The following CTNNA3 variants were observed in gnomAD, a reference collection of about 807,000 sequenced individuals.
The protein encoded by CTNNA3 is catenin alpha-3.
CTNNA3 carries 76 observed loss-of-function variants against 95.7 expected under a neutral mutation model. That is an observed-to-expected ratio of 0.79 (90% CI 0.66 to 0.96). The LOEUF (loss-of-function observed/expected upper bound fraction) is 0.96, where lower values mean the gene tolerates loss of function less well. CTNNA3 is among the 40% of genes least tolerant of loss of function. CTNNA3 has a pLI of 0.00. For synonymous variants in CTNNA3, 431 were observed against 374.4 expected (o/e 1.15, Z -1.74); for missense variants, 1,191 against 1,089.8 (o/e 1.09, Z -1.31).
At chr10:66,526,174 G>A (rs1312638794) in intron 10 of CTNNA3, among the ~76,000 whole-genome samples, 1 of 152,030 alleles carries the variant, frequency 6.6e-6, no homozygotes, top group Non-Finnish European at 1.5e-5. Context: ...GCCCAGAAAT[G>A]GAATTGCTGG....
chr10:67,617,221 C>G (rs930716520), intron 2 of CTNNA3, among the ~76,000 whole-genome samples: 1 of 152,208 alleles, frequency 6.6e-6, no homozygotes, highest in South Asian at 2.1e-4. Context: ...GGTATGAAGC[C>G]TAGCACTCAA....
At chr10:66,520,376 T>C (rs1266768155) in intron 11 of CTNNA3, among the ~76,000 whole-genome samples, 7 of 149,822 alleles carry the variant, frequency 4.7e-5, no homozygotes, top group Non-Finnish European at 8.9e-5. Context: ...CTCAGCCTCC[T>C]GAGTAGCTGG....
chr10:67,330,621 T>G (rs1406101456), intron 5 of CTNNA3, among the ~76,000 whole-genome samples: 1 of 152,084 alleles, frequency 6.6e-6, no homozygotes, highest in Non-Finnish European at 1.5e-5. Context: ...CCACTACAGT[T>G]TTCATGGTGA....
rs1839993674 is a variant in CTNNA3, at chr10:66,493,533, C to G, written c.1531+27084G>C. 1.3e-5 allele frequency among the ~76,000 whole-genome samples: 2 copies of G among 151,286 alleles called. 1 individual carries two copies. The highest frequency in any genetic ancestry group is 1.3e-4 in the Admixed American group (2 of 15,200). On this transcript the variant is annotated intron_variant, in intron 11 of 17. Coordinates refer to ENST00000433211, the MANE Select transcript of CTNNA3 (RefSeq NM_013266.4). ...GGAGTCTGTTTGTGAACTTTCAAATCTACCTGGCACTTTTAATTTTTTTGT... is the reference window on the plus strand; with the variant it reads ...GGAGTCTGTTTGTGAACTTTCAAATGTACCTGGCACTTTTAATTTTTTTGT...
At position 66,144,956 on chromosome 10, in the gene CTNNA3, T is replaced by C. The variant is rs185683369; in HGVS notation, c.1885-41707A>G. Among the ~76,000 whole-genome samples, 13 of 152,292 alleles carry C rather than the reference T, an allele frequency of 8.5e-5. No individual in the cohort carries two copies. The East Asian group carries it at 2.5e-3, about 29-fold the overall frequency. ...ATAACTAGTTTATTTATTTCAGTAT[T>C]TCTCTTAGGAAAATGTAATGAAATG... On this transcript the variant is annotated intron_variant, in intron 13 of 17. Transcript: ENST00000433211.
chr10:66,745,546 T>TCC (rs1162421967), intron 9 of CTNNA3, among the ~76,000 whole-genome samples: 1 of 151,254 alleles, frequency 6.6e-6, no homozygotes, highest in African/African-American at 2.4e-5. Flanking sequence ...CTACTATATG[T>TCC]CCCATACATG....
At chr10:66,185,098 T>G (rs2086259983) in intron 13 of CTNNA3, among the ~76,000 whole-genome samples, 1 of 152,224 alleles carries the variant, frequency 6.6e-6, no homozygotes, top group Non-Finnish European at 1.5e-5. Flanking sequence ...GTATAACATA[T>G]AAGACCTCTC....
At chr10:67,331,981 G>T (rs1423543081) in intron 5 of CTNNA3, among the ~76,000 whole-genome samples, 1 of 152,006 alleles carries the variant, frequency 6.6e-6, no homozygotes, top group Non-Finnish European at 1.5e-5. Context: ...AAAGCAACTG[G>T]GATTCCACAA....
intron 11 of CTNNA3, among the ~76,000 whole-genome samples, chr10:66,435,869 G>T (rs189762871): frequency 6.6e-6 from 1 of 152,130 alleles, no homozygotes; most frequent in South Asian, 2.1e-4. Context: ...AGAGATTCTG[G>T]TATGTTGTGT....
At chr10:66,151,502 A>G (rs1468840764) in intron 13 of CTNNA3, among the ~76,000 whole-genome samples, 2 of 151,982 alleles carry the variant, frequency 1.3e-5, no homozygotes, top group African/African-American at 4.8e-5. Flanking sequence ...CATGAAATTT[A>G]AAAAGACCAA....
Position 66,184,695 on chromosome 10 carries a change from C to T in CTNNA3, c.1885-81446G>A, listed in dbSNP as rs1174760817. ...GCTTAATCTTTTAATTCTGTATTTC[C>T]TTTGTATACTTTTAGCCAATGTTGT... On this transcript the variant is annotated intron_variant, in intron 13 of 17. Coordinates refer to ENST00000433211, the MANE Select transcript of CTNNA3 (RefSeq NM_013266.4). Among the ~76,000 whole-genome samples, 4 of 152,124 alleles carry T rather than the reference C, an allele frequency of 2.6e-5. No homozygotes were observed. In the South Asian group the frequency reaches 6.2e-4, roughly 24 times the overall value.
Position 66,000,461 on chromosome 10 carries a change from G to A in CTNNA3, c.2160-11664C>T, listed in dbSNP as rs184238028. Reference sequence around the variant, plus strand: ...CTTTTTAAGGACAGTGAATATCTATGAAATGATTTGGTAGTTTCTGCTATT... The same window carrying A: ...CTTTTTAAGGACAGTGAATATCTATAAAATGATTTGGTAGTTTCTGCTATT... On this transcript the variant is annotated intron_variant, in intron 15 of 17. Transcript: ENST00000433211. Among the ~76,000 whole-genome samples the A allele has an allele frequency of 4.6e-5, 7 of 152,236 alleles. No homozygotes were observed. The East Asian group carries it at 1.4e-3, about 29-fold the overall frequency.
chr10:67,266,462 C>T (rs1353327965), intron 5 of CTNNA3, among the ~76,000 whole-genome samples: 1 of 151,914 alleles, frequency 6.6e-6, no homozygotes, highest in Non-Finnish European at 1.5e-5. Context: ...CCCTCTGGCA[C>T]AAGACTGGCA....
intron 5 of CTNNA3, among the ~76,000 whole-genome samples, chr10:67,237,440 C>G (rs989106706): frequency 2.0e-5 from 3 of 150,304 alleles, no homozygotes; most frequent in Non-Finnish European, 3.0e-5. Flanking sequence ...CAGTGTATAC[C>G]GCTCAGATGA....
intron 14 of CTNNA3, among the ~76,000 whole-genome samples, chr10:66,091,746 A>G (rs1346570582): frequency 6.6e-6 from 1 of 151,774 alleles, no homozygotes; most frequent in Non-Finnish European, 1.5e-5. Flanking sequence ...GTGCTATTCA[A>G]GAGAACAAGT....
chr10:66,446,704 C>T (rs551294374), intron 11 of CTNNA3, among the ~76,000 whole-genome samples: 2 of 152,100 alleles, frequency 1.3e-5, no homozygotes, highest in Admixed American at 6.5e-5. Flanking sequence ...TATGACAAAC[C>T]CACAGCCAAT....
chr10:66,122,383 G>A (rs1336675736), intron 13 of CTNNA3, among the ~76,000 whole-genome samples: 1 of 152,132 alleles, frequency 6.6e-6, no homozygotes, highest in Non-Finnish European at 1.5e-5. Context: ...TACATTACAT[G>A]TAATAGAAGA....
Position 65,920,513 on chromosome 10 carries a change from G to A in CTNNA3, c.2505C>T (p.Ile835=). 1 of 1,614,130 alleles carries A rather than the reference G, an allele frequency of 6.2e-7. No homozygotes were observed. Among genetic ancestry groups the A allele is most frequent in the East Asian group, 2.2e-5 (1 of 44,876 alleles). The change falls in exon 18 of 18, where the codon ATC becomes ATT. Residue 835 remains isoleucine, a synonymous_variant. Transcript: ENST00000433211. Reference sequence around the variant, plus strand: ...GGTGCCGGGGCCCAGCAGGACTCTGGATTCGGATGATCTTGGTTGAGGCAA... The same window carrying A: ...GGTGCCGGGGCCCAGCAGGACTCTGAATTCGGATGATCTTGGTTGAGGCAA... ...SYIASTKIIR[I]QSPAGPRHPV... is the part of the protein sequence containing the mutation.
At chr10:66,571,309 C>T (rs1474444277) in intron 10 of CTNNA3, among the ~76,000 whole-genome samples, 2 of 152,160 alleles carry the variant, frequency 1.3e-5, no homozygotes, top group Admixed American at 1.3e-4. Flanking sequence ...AATTGGTTAT[C>T]GCATTCCCTT....
Sources: gnomAD v4.1 joint callset for allele counts (sites outside exome capture counted in the v4.1 genomes callset) on GRCh38, gnomAD v4.1.1 for gene constraint, MANE v1.5 for transcripts, NCBI Gene and HGNC (gene_info 2026-07-23, HGNC 2026-07-21) for gene names.